ZEB1: variants seen among roughly 807,000 people sequenced by gnomAD.
The protein encoded by ZEB1 is zinc finger E-box-binding homeobox 1.
In ZEB1, 21 loss-of-function variants were observed where a neutral mutation model predicts 84.9. The ratio of observed to expected loss-of-function variants is 0.25; its 90% CI spans 0.18 to 0.36. The LOEUF is 0.36. Ranked by LOEUF, ZEB1 falls within the 10% of genes least tolerant of loss-of-function variation. ZEB1 has a pLI of 1.00. For synonymous variants in ZEB1, 420 were observed against 471.1 expected, an observed-to-expected ratio of 0.89 and a Z score of 1.41; for missense variants, 1,104 against 1,330.2, an observed-to-expected ratio of 0.83 and a Z score of 2.65.
intron 1 of ZEB1, among the ~76,000 whole-genome samples, chr10:31,372,432 ATGAAG>A (rs1359384835): frequency 4.6e-5 from 7 of 152,086 alleles, no homozygotes; most frequent in African/African-American, 1.7e-4. Flanking sequence ...GACAGGCCCT[ATGAAG>A]AGTAGCCGTA....
chr10:31,347,969 G>A (rs1191199298), intron 1 of ZEB1, among the ~76,000 whole-genome samples: 1 of 152,202 alleles, frequency 6.6e-6, no homozygotes, highest in African/African-American at 2.4e-5. Context: ...AACAGATGGT[G>A]TCTGGAAACA....
chr10:31,526,887 G>A lies in ZEB1; in HGVS notation c.3001G>A (p.Glu1001Lys). The change falls in exon 9 of 9, where the codon GAG (glutamate) becomes AAG (lysine). Residue 1001 changes from glutamate to lysine, a missense_variant. Transcript: ENST00000424869. ...AGAACGTGACAGCACAGAGCAGGAA[G>A]AGGCAGGGCCTGAAATCCTCTCGAA... ...AEERDSTEQE[E>K]AGPEILSNEH... is the part of the protein sequence containing the mutation. The A allele has an allele frequency of 6.2e-7, 1 of 1,614,202 alleles. No individual in the cohort carries two copies. Among genetic ancestry groups the A allele is most frequent in the Non-Finnish European group, 8.5e-7 (1 of 1,180,040 alleles).
chr10:31,449,789 T>G (rs2060321633), intron 1 of ZEB1, among the ~76,000 whole-genome samples: 2 of 152,204 alleles, frequency 1.3e-5, no homozygotes, highest in South Asian at 4.1e-4. Context: ...AGTATTTTAA[T>G]GTGTTTGTTT....
rs1187983790 is a variant in ZEB1, at chr10:31,458,333, GTGTT to G, written c.59-2703_59-2700del. 2.1e-3 allele frequency among the ~76,000 whole-genome samples: 228 copies of G among 109,520 alleles called. 1 individual carries two copies. The highest frequency in any genetic ancestry group is 0.011 in the African/African-American group (161 of 14,002). 71.8% of individuals were successfully genotyped at this position (109,520 alleles called of 152,430 possible). A position where few individuals can be genotyped will look rare whatever the true frequency, so the allele number is the denominator to read the frequency against. ...ATTCCGTGTGTGTGTGTGTGTGTGT[GTGTT>G]GTGTGTGTGTGTGTGTGTGTGTGTG... On this transcript the variant is annotated intron_variant, in intron 1 of 8. Transcript: ENST00000424869.
rs200237778 is a variant in ZEB1 at position 31,417,799 on chromosome 10, T to TA, written c.59-43227dup. Among the ~76,000 whole-genome samples, 154 of 147,344 alleles carry TA rather than the reference T, an allele frequency of 1.0e-3. 1 individual carries two copies. The highest frequency in any genetic ancestry group is 1.8e-3 in the African/African-American group (73 of 40,544). On this transcript the variant is annotated intron_variant, in intron 1 of 8. Transcript: ENST00000424869. Reference sequence around the variant, plus strand: ...GGGTTTCATAAAGTGCTTGATTCAGTAAAAAAAAAAATTGAACATCTACTA... The same window carrying TA: ...GGGTTTCATAAAGTGCTTGATTCAGTAAAAAAAAAAAATTGAACATCTACTA...
chr10:31,336,487 A>G (rs766490349), intron 1 of ZEB1, among the ~76,000 whole-genome samples: 1 of 152,188 alleles, frequency 6.6e-6, no homozygotes, highest in African/African-American at 2.4e-5. Flanking sequence ...GAATATCTCT[A>G]TGACTTTGAG....
At chr10:31,322,467 C>A (rs1300128876) in intron 1 of ZEB1, among the ~76,000 whole-genome samples, 1 of 152,092 alleles carries the variant, frequency 6.6e-6, no homozygotes, top group Non-Finnish European at 1.5e-5. Flanking sequence ...GCTGCTAAGC[C>A]TTCTGTAAAA....
chr10:31,413,635 TAGC>T (rs1230748379), intron 1 of ZEB1, among the ~76,000 whole-genome samples: 1 of 152,256 alleles, frequency 6.6e-6, no homozygotes, highest in African/African-American at 2.4e-5. Context: ...AGCTCACTGA[TAGC>T]AGAGTCCACC....
chr10:31,511,109 G>C (rs1461121281), intron 5 of ZEB1, among the ~76,000 whole-genome samples: 1 of 152,174 alleles, frequency 6.6e-6, no homozygotes, highest in African/African-American at 2.4e-5. Flanking sequence ...GTTCAGGTAA[G>C]ACCCTTTCCA....
At chr10:31,361,438 TA>T (rs1455847024) in intron 1 of ZEB1, among the ~76,000 whole-genome samples, 4 of 152,160 alleles carry the variant, frequency 2.6e-5, no homozygotes, top group African/African-American at 9.7e-5. Context: ...AATTAAAAAG[TA>T]AACTTTAATG....
chr10:31,377,547 T>C (rs909180124), intron 1 of ZEB1, among the ~76,000 whole-genome samples: 1 of 151,840 alleles, frequency 6.6e-6, no homozygotes, highest in African/African-American at 2.4e-5. Context: ...CCAAATTTAC[T>C]GAGTAAAAGA....
chr10:31,474,538 A>G (rs1565026620), intron 2 of ZEB1, among the ~76,000 whole-genome samples: 1 of 152,098 alleles, frequency 6.6e-6, no homozygotes, highest in Non-Finnish European at 1.5e-5. Flanking sequence ...TTAGAATGGC[A>G]ATCATTAAAA....
chr10:31,431,757 T>TTTCA (rs1181675473), intron 1 of ZEB1, among the ~76,000 whole-genome samples: 1 of 152,236 alleles, frequency 6.6e-6, no homozygotes, highest in African/African-American at 2.4e-5. Context: ...AAAACATTAC[T>TTTCA]TTCAATCAGA....
intron 2 of ZEB1, among the ~76,000 whole-genome samples, chr10:31,471,871 A>C (rs983696610): frequency 5.5e-5 from 8 of 145,964 alleles, no homozygotes; most frequent in South Asian, 2.1e-4. Context: ...CTCTCAGACC[A>C]CAGTGCAATC....
intron 5 of ZEB1, among the ~76,000 whole-genome samples, chr10:31,511,700 T>C (rs936262066): frequency 6.6e-6 from 1 of 152,142 alleles, no homozygotes; most frequent in African/African-American, 2.4e-5. Context: ...GTTTCTTACA[T>C]CAAAGAATGA....
chr10:31,449,272 T>TG (rs2060228446), intron 1 of ZEB1, among the ~76,000 whole-genome samples: 1 of 151,964 alleles, frequency 6.6e-6, no homozygotes, highest in South Asian at 2.1e-4. Flanking sequence ...TGCTTCGGCT[T>TG]GCGCACAGTG....
intron 3 of ZEB1, 25 bp downstream of exon 3, chr10:31,495,863 TACC>T: frequency 6.2e-7 from 1 of 1,612,200 alleles, no homozygotes; most frequent in Non-Finnish European, 8.5e-7. Flanking sequence ...CTTTCTTTCA[TACC>T]ATAGCCTTTA....
intron 1 of ZEB1, among the ~76,000 whole-genome samples, chr10:31,364,965 G>A (rs1248224687): frequency 1.3e-5 from 2 of 152,164 alleles, no homozygotes; most frequent in Non-Finnish European, 2.9e-5. Context: ...CAAAGACGTA[G>A]GGCAGGAACT....
intron 1 of ZEB1, among the ~76,000 whole-genome samples, chr10:31,458,340 G>A (rs1386872500): frequency 1.4e-5 from 2 of 147,468 alleles, no homozygotes; most frequent in Non-Finnish European, 3.0e-5. Context: ...TGTGTGTTGT[G>A]TGTGTGTGTG....
Sources: allele counts gnomAD v4.1 joint callset (sites outside exome capture counted in the v4.1 genomes callset), GRCh38; gene constraint gnomAD v4.1.1; transcripts MANE v1.5; gene names NCBI Gene and HGNC (gene_info 2026-07-23, HGNC 2026-07-21).